CCDC73: variants seen among roughly 807,000 people sequenced by gnomAD.
CCDC73 encodes coiled-coil domain containing 73.
CCDC73 carries 95 observed loss-of-function variants against 116.5 expected under a neutral mutation model. That is an observed-to-expected ratio of 0.82 (90% CI 0.69 to 0.97). The LOEUF (loss-of-function observed/expected upper bound fraction) is 0.97, where lower values mean the gene tolerates loss of function less well. CCDC73 is among the 50% of genes least tolerant of loss of function. The pLI, the probability that CCDC73 is intolerant of heterozygous loss-of-function variation, is 0.00. For missense variants in CCDC73, 1,066 were observed against 1,206.8 expected (o/e 0.88, Z 1.73); for synonymous variants, 398 against 401.3 (o/e 0.99, Z 0.10).
chr11:32,602,750 T>C lies in CCDC73; in HGVS notation c.*61A>G, dbSNP rs1590533722. The stretch of plus-strand genomic sequence containing the variant: ...TTTAAATACAACAGTCATTTTATTC[T>C]AGTAAAAACTATACCAGAATTTCAG... On this transcript the variant is annotated 3_prime_UTR_variant, in exon 18 of 18. Transcript: ENST00000335185. The C allele has an allele frequency of 2.5e-6, 3 of 1,204,770 alleles. No homozygotes were observed. The highest frequency in any genetic ancestry group is 2.5e-5 in the East Asian group (1 of 39,450). The allele number at this position is 1,204,770 out of a possible 1,614,324, so 74.6% of individuals were successfully genotyped here.
chr11:32,635,612 T>TA (rs1855670020), intron 14 of CCDC73, 84 bp downstream of exon 14: 7 of 1,159,100 alleles, frequency 6.0e-6, no homozygotes, highest in Non-Finnish European at 7.6e-6. Context: ...TTGAGAAACT[T>TA]AAAGTATAAA....
intron 8 of CCDC73, 27 bp from the exon 9 acceptor site, chr11:32,675,671 G>C: frequency 6.6e-7 from 1 of 1,504,560 alleles, no homozygotes; most frequent in Non-Finnish European, 9.1e-7. Context: ...ATTTAAGAAA[G>C]CATTATATTC....
chr11:32,763,555 T>C lies in CCDC73; in HGVS notation c.-15-3297A>G, dbSNP rs1850411558. 2.0e-5 allele frequency among the ~76,000 whole-genome samples: 3 copies of C among 152,186 alleles called. No homozygotes were observed. The South Asian group carries it at 6.2e-4, about 31-fold the overall frequency. On this transcript the variant is annotated intron_variant, in intron 1 of 17. Coordinates refer to ENST00000335185, the MANE Select transcript of CCDC73 (RefSeq NM_001008391.4). ...CCAACAGACCTGCAGCTGAGGGTCC[T>C]GACTGTTAGAAGGAAAACTAACAAA...
intron 2 of CCDC73, among the ~76,000 whole-genome samples, chr11:32,735,134 A>C (rs557575682): frequency 6.6e-6 from 1 of 152,132 alleles, no homozygotes; most frequent in African/African-American, 2.4e-5. Flanking sequence ...CTATCTCACC[A>C]CTCCTATTCA....
intron 2 of CCDC73, among the ~76,000 whole-genome samples, chr11:32,734,208 CA>C (rs1185718103): frequency 1.3e-5 from 2 of 152,110 alleles, no homozygotes; most frequent in African/African-American, 4.8e-5. Context: ...TACACCCTCC[CA>C]AGACTAAACG....
In CCDC73 at chr11:32,614,404, AT is replaced by A. The variant is rs762553129; in HGVS notation, c.1913del (p.Asn638IlefsTer18). 1.7e-5 allele frequency: 28 copies of A among 1,606,830 alleles called. No homozygotes were observed. Among genetic ancestry groups the A allele is most frequent in the African/African-American group, 4.0e-5 (3 of 74,568 alleles). ...AACTATATTTCTGACATGGAACAGG[AT>A]TTTTTTTTATATCTAGAGACGAGTC... ...DLDSSLDIKK[N>X]PVPCQKYSLR... On this transcript the variant is annotated frameshift_variant, in exon 16 of 18. Transcript: ENST00000335185. LOFTEE classifies it high-confidence loss of function.
At chr11:32,761,734 C>T (rs921358379) in intron 1 of CCDC73, among the ~76,000 whole-genome samples, 3 of 151,822 alleles carry the variant, frequency 2.0e-5, no homozygotes, top group Non-Finnish European at 4.4e-5. Flanking sequence ...GTGCAAAAGA[C>T]TCATATGCAC....
chr11:32,674,329 G>A (rs1856064980), intron 9 of CCDC73, among the ~76,000 whole-genome samples: 1 of 152,114 alleles, frequency 6.6e-6, no homozygotes, highest in South Asian at 2.1e-4. Context: ...ATCGAGAGAG[G>A]GATTGGAAGG....
intron 1 of CCDC73, among the ~76,000 whole-genome samples, chr11:32,771,902 T>C (rs1850494807): frequency 6.6e-6 from 1 of 152,194 alleles, no homozygotes; most frequent in Admixed American, 6.5e-5. Context: ...TCTTTGCTCT[T>C]TGAAAATGTT....
At chr11:32,674,158 A>C (rs1223968736) in intron 9 of CCDC73, among the ~76,000 whole-genome samples, 1 of 152,162 alleles carries the variant, frequency 6.6e-6, no homozygotes, top group Non-Finnish European at 1.5e-5. Context: ...GGGCAAACAG[A>C]AGATTTTTTT....
At chr11:32,678,670 G>C (rs1856114239) in intron 7 of CCDC73, among the ~76,000 whole-genome samples, 1 of 151,922 alleles carries the variant, frequency 6.6e-6, no homozygotes, top group African/African-American at 2.4e-5. Context: ...CGGATCACAA[G>C]GTCAGGAGTT....
chr11:32,681,565 G>T (rs1310090983), intron 7 of CCDC73: 2 of 151,890 alleles, frequency 1.3e-5, no homozygotes, highest in African/African-American at 4.8e-5. Flanking sequence ...AGTAGTTAAG[G>T]ACTTACCTAT....
intron 9 of CCDC73, among the ~76,000 whole-genome samples, chr11:32,655,545 C>T (rs1298312562): frequency 4.6e-5 from 7 of 152,170 alleles, no homozygotes; most frequent in Non-Finnish European, 5.9e-5. Context: ...TGAAAGAGAA[C>T]GATATTTTTC....
At chr11:32,741,118 G>A (rs1252412757) in intron 2 of CCDC73, among the ~76,000 whole-genome samples, 1 of 152,084 alleles carries the variant, frequency 6.6e-6, no homozygotes, top group Non-Finnish European at 1.5e-5. Flanking sequence ...AATGATCCAT[G>A]TGCTGAGGAG....
intron 1 of CCDC73, among the ~76,000 whole-genome samples, chr11:32,778,364 G>A (rs1850554749): frequency 6.6e-6 from 1 of 152,078 alleles, no homozygotes; most frequent in African/African-American, 2.4e-5. Context: ...AATATGTACT[G>A]GAAATTTAAA....
At chr11:32,701,881 GCA>G (rs1267423368) in intron 4 of CCDC73, among the ~76,000 whole-genome samples, 3 of 151,676 alleles carry the variant, frequency 2.0e-5, no homozygotes, top group Admixed American at 6.6e-5. Context: ...CTTTTAAAAA[GCA>G]CACACACACA....
intron 9 of CCDC73, among the ~76,000 whole-genome samples, chr11:32,672,112 C>T (rs1856044864): frequency 1.3e-5 from 2 of 152,222 alleles, no homozygotes; most frequent in African/African-American, 2.4e-5. Flanking sequence ...GAACTTTGGG[C>T]GGGCAGATCA....
At chr11:32,610,234 A>G (rs1414123645) in intron 17 of CCDC73, among the ~76,000 whole-genome samples, 2 of 152,116 alleles carry the variant, frequency 1.3e-5, no homozygotes, top group Middle Eastern at 3.4e-3. Flanking sequence ...TGATTCAATT[A>G]CCTCCCACTG....
rs376242210 is a variant in CCDC73 at position 32,613,454 on chromosome 11, C to T, written c.2864G>A (p.Gly955Asp). Reference protein sequence around the residue: ...IISMALCKNIGVDDVGKDIGP... With the variant: ...IISMALCKNIDVDDVGKDIGP... Reference sequence around the variant, plus strand: ...AATATCCTTTCCAACATCATCCACACCAATATTTTTACAAAGAGCCATTGA... The same window carrying T: ...AATATCCTTTCCAACATCATCCACATCAATATTTTTACAAAGAGCCATTGA... The change falls in exon 16 of 18, where the codon GGT becomes GAT. Residue 955 changes from glycine (G) to aspartate (D), a missense_variant. Coordinates refer to ENST00000335185, the MANE Select transcript of CCDC73 (RefSeq NM_001008391.4). 2 of 1,613,584 alleles carry T rather than the reference C, an allele frequency of 1.2e-6. No homozygotes were observed. Among genetic ancestry groups the T allele is most frequent in the Non-Finnish European group, 1.7e-6 (2 of 1,179,720 alleles).
Sources: allele counts gnomAD v4.1 joint callset (sites outside exome capture counted in the v4.1 genomes callset), GRCh38; gene constraint gnomAD v4.1.1; transcripts MANE v1.5; gene names NCBI Gene and HGNC (gene_info 2026-07-23, HGNC 2026-07-21).